Variants in C12orf42 observed in about 807,000 individuals in gnomAD.
C12orf42 encodes the protein uncharacterized protein C12orf42.
C12orf42 carries 25 observed loss-of-function variants against 21.6 expected under a neutral mutation model. The ratio of observed to expected loss-of-function variants is 1.16; its 90% CI spans 0.84 to 1.62. The LOEUF is 1.62. C12orf42 is among the 40% of genes most tolerant of loss of function. The pLI is 0.00. For missense variants in C12orf42, 483 were observed against 459.3 expected (o/e 1.05, Z -0.47); for synonymous variants, 174 against 175.0 (o/e 0.99, Z 0.05).
chr12:103,181,160 G>A, the C12orf42 span, among the ~76,000 whole-genome samples: 1 of 151,996 alleles, frequency 6.6e-6, no homozygotes, highest in Non-Finnish European at 1.5e-5. Flanking sequence ...TACTAGGGAG[G>A]CTGAGGCAGG....
intron 2 of C12orf42, among the ~76,000 whole-genome samples, chr12:103,434,490 C>T (rs1271974662): frequency 3.9e-5 from 6 of 152,134 alleles, no homozygotes; most frequent in Non-Finnish European, 8.8e-5. Flanking sequence ...TTTGAGGTAC[C>T]GGGTTCATCT....
the C12orf42 span, among the ~76,000 whole-genome samples, chr12:103,081,754 A>G: frequency 6.6e-6 from 1 of 152,166 alleles, no homozygotes; most frequent in Non-Finnish European, 1.5e-5. Context: ...CCTGTGTAGT[A>G]AGTGAATCAG....
At chr12:103,294,583 G>GGAAGGAAAGAAAGAAAGAAAGAAA (rs1300203895) in intron 4 of C12orf42, among the ~76,000 whole-genome samples, 2 of 80,356 alleles carry the variant, frequency 2.5e-5, no homozygotes, top group Admixed American at 1.4e-4. Context: ...AAGGAAGGAA[G>GGAAGGAAAGAAAGAAAGAAAGAAA]GAAAGAAAGA....
At chr12:103,074,551 T>C in the C12orf42 span, among the ~76,000 whole-genome samples, 26,925 of 151,996 alleles carry the variant, frequency 0.18, 2,730 homozygotes, top group Admixed American at 0.24. Flanking sequence ...CCTGATTATA[T>C]GCTAGATAAA....
chr12:103,114,523 G>A, the C12orf42 span, among the ~76,000 whole-genome samples: 3 of 152,310 alleles, frequency 2.0e-5, no homozygotes, highest in Admixed American at 6.5e-5. Context: ...AAGCCCTCAA[G>A]GGGACTCTGA....
At chr12:103,522,264 C>T in the C12orf42 span, among the ~76,000 whole-genome samples, 2 of 152,122 alleles carry the variant, frequency 1.3e-5, no homozygotes, top group Non-Finnish European at 2.9e-5. Flanking sequence ...GGTAAGGCAT[C>T]GGTTGTTCTT....
At chr12:103,322,487 T>C (rs2040275700) in intron 4 of C12orf42, among the ~76,000 whole-genome samples, 3 of 152,142 alleles carry the variant, frequency 2.0e-5, no homozygotes, top group Admixed American at 2.0e-4. Flanking sequence ...GAAGATGACA[T>C]GCAGGAAGAA....
intron 3 of C12orf42, among the ~76,000 whole-genome samples, chr12:103,382,523 A>G (rs1216849782): frequency 6.6e-6 from 1 of 152,190 alleles, no homozygotes; most frequent in Admixed American, 6.5e-5. Flanking sequence ...CTTTGACCCT[A>G]ATGAGATCTA....
chr12:103,195,523 T>A, the C12orf42 span, among the ~76,000 whole-genome samples: 1 of 152,160 alleles, frequency 6.6e-6, no homozygotes, highest in Admixed American at 6.5e-5. Context: ...GTGATTTTGA[T>A]TTGCATTTAT....
upstream of C12orf42, among the ~76,000 whole-genome samples, chr12:103,498,989 A>T (rs1371280077): frequency 6.6e-6 from 1 of 152,044 alleles, no homozygotes; most frequent in Non-Finnish European, 1.5e-5. Flanking sequence ...TTACCTATGT[A>T]ACAAACCTGC....
the C12orf42 span, among the ~76,000 whole-genome samples, chr12:103,095,771 T>C: frequency 0.15 from 22,927 of 152,216 alleles, 1,971 homozygotes; most frequent in Admixed American, 0.22. Flanking sequence ...TCAGTAAGTA[T>C]TGAGTGAATA....
At chr12:103,498,948 G>A (rs1955646355), upstream of C12orf42, among the ~76,000 whole-genome samples, 1 of 151,902 alleles carries the variant, frequency 6.6e-6, no homozygotes, top group Admixed American at 6.6e-5. Flanking sequence ...GTGATGGGAT[G>A]ATAGATGCAG....
chr12:103,324,946 C>G (rs1347611913), intron 4 of C12orf42, among the ~76,000 whole-genome samples: 1 of 152,082 alleles, frequency 6.6e-6, no homozygotes, highest in Non-Finnish European at 1.5e-5. Context: ...ATTGGTGAAA[C>G]CCTGAAGGAG....
rs1949905186 is a variant in C12orf42 at position 103,427,285 on chromosome 12, A to AT, written c.79-25611_79-25610insA. 2.7e-5 allele frequency among the ~76,000 whole-genome samples: 3 copies of AT among 113,094 alleles called. No individual in the cohort carries two copies. In the South Asian group the frequency reaches 8.6e-4, roughly 32 times the overall value. The allele number at this position is 113,094 out of a possible 152,430, so 74.2% of individuals were successfully genotyped here. A position where few individuals can be genotyped will look rare whatever the true frequency, so the allele number is the denominator to read the frequency against. Reference sequence around the variant, plus strand: ...AATATTTACCAAGCAAATGGAAAGCAAAAAAAAAAGAAAAAAAAAAAAAGC... The same window carrying AT: ...AATATTTACCAAGCAAATGGAAAGCATAAAAAAAAAGAAAAAAAAAAAAAGC... On this transcript the variant is annotated intron_variant, in intron 2 of 5. Transcript: ENST00000548883.
intron 4 of C12orf42, among the ~76,000 whole-genome samples, chr12:103,342,799 T>C (rs1215048104): frequency 6.6e-6 from 1 of 152,026 alleles, no homozygotes; most frequent in African/African-American, 2.4e-5. Context: ...TCGACATTGA[T>C]AGGAAAACTT....
At chr12:103,525,651 A>T in the C12orf42 span, among the ~76,000 whole-genome samples, 1 of 152,184 alleles carries the variant, frequency 6.6e-6, no homozygotes, top group African/African-American at 2.4e-5. Context: ...ATTATAATTA[A>T]AGTAGTATTA....
At chr12:103,132,287 G>A in the C12orf42 span, among the ~76,000 whole-genome samples, 1 of 152,050 alleles carries the variant, frequency 6.6e-6, no homozygotes, top group African/African-American at 2.4e-5. Context: ...AGCAATGAAG[G>A]AGAAGGAAGA....
chr12:103,135,435 C>A, the C12orf42 span, among the ~76,000 whole-genome samples: 1 of 144,834 alleles, frequency 6.9e-6, no homozygotes, highest in African/African-American at 2.6e-5. Context: ...CCAATGTAGG[C>A]AACAGAGTGA....
At chr12:103,215,936 G>A in the C12orf42 span, among the ~76,000 whole-genome samples, 200 of 152,270 alleles carry the variant, frequency 1.3e-3, 2 homozygotes, top group African/African-American at 4.8e-3. Context: ...TCTCCCTCTC[G>A]GAGAGGAGAA....
Sources: gnomAD v4.1 joint callset for allele counts (sites outside exome capture counted in the v4.1 genomes callset) on GRCh38, gnomAD v4.1.1 for gene constraint, MANE v1.5 for transcripts, NCBI Gene and HGNC (gene_info 2026-07-23, HGNC 2026-07-21) for gene names.